Variants in OTOGL observed in about 807,000 individuals in gnomAD.
OTOGL encodes otogelin like, also known as otogelin-like protein.
A neutral mutation model predicts 318.5 loss-of-function variants in OTOGL; 285 were observed. The observed-to-expected ratio is 0.89, with a 90% confidence interval of 0.81 to 0.99. The LOEUF is 0.99. Ranked by LOEUF, OTOGL falls within the 50% of genes least tolerant of loss-of-function variation. The pLI is 0.00. For synonymous variants in OTOGL, 987 were observed against 936.5 expected (o/e 1.05, Z -0.99); for missense variants, 2,899 against 2,845.6 (o/e 1.02, Z -0.43).
chr12:80,108,825 G>GTA (rs1480145594), intron 1 of OTOGL, among the ~76,000 whole-genome samples: 1 of 122,384 alleles, frequency 8.2e-6, no homozygotes, highest in East Asian at 2.2e-4. Context: ...GTATATATAT[G>GTA]TATATATATT....
chr12:80,310,606 A>AAC lies in OTOGL; in HGVS notation c.3334-3_3334-2dup. The AAC allele has an allele frequency of 6.4e-7, 1 of 1,561,800 alleles. No individual in the cohort carries two copies. Among genetic ancestry groups the AAC allele is most frequent in the Non-Finnish European group, 8.7e-7 (1 of 1,150,344 alleles). On this transcript the variant is annotated splice_polypyrimidine_tract_variant and splice_region_variant and intron_variant, in intron 29 of 58. Transcript: ENST00000547103. ...CTTCTTTTCTCTCTTAAATTTTTTC[A>AAC]ACAGTGTGAAAGTCCAGATGAAACA... is the stretch of plus-strand genomic sequence containing the variant.
chr12:80,209,243 T>C (rs1447211152), intron 1 of OTOGL, among the ~76,000 whole-genome samples, 170 bp from the exon 2 acceptor site: 3 of 152,040 alleles, frequency 2.0e-5, no homozygotes, highest in Non-Finnish European at 4.4e-5. Context: ...AGCCAAAGGG[T>C]TGTCTGCAAG....
chr12:80,308,651 G>C (rs1323488459), intron 29 of OTOGL, among the ~76,000 whole-genome samples: 10 of 151,876 alleles, frequency 6.6e-5, no homozygotes, highest in Admixed American at 4.6e-4. Context: ...GCCGAGATCA[G>C]GCCACTGCAC....
intron 21 of OTOGL, 34 bp from the exon 22 acceptor site, chr12:80,267,219 T>C: frequency 7.2e-7 from 1 of 1,389,708 alleles, no homozygotes; most frequent in South Asian, 1.3e-5. Context: ...TGAAAAAAAT[T>C]GTATCCTATT....
chr12:80,369,015 G>GA (rs914891353), intron 55 of OTOGL, among the ~76,000 whole-genome samples: 1 of 149,206 alleles, frequency 6.7e-6, no homozygotes, highest in South Asian at 2.1e-4. Flanking sequence ...TGTCAAGGAG[G>GA]AAAAAAATAT....
chr12:80,349,394 A>G (rs1458488384), intron 44 of OTOGL, among the ~76,000 whole-genome samples: 1 of 152,164 alleles, frequency 6.6e-6, no homozygotes, highest in Non-Finnish European at 1.5e-5. Context: ...GAAGGTTTAA[A>G]TGCCCCAGAT....
intron 44 of OTOGL, among the ~76,000 whole-genome samples, chr12:80,345,794 C>T (rs1889162533): frequency 6.6e-6 from 1 of 151,962 alleles, no homozygotes; most frequent in Non-Finnish European, 1.5e-5. Flanking sequence ...TACTCAAAGC[C>T]TCTAGATGTG....
At chr12:80,322,353 G>A (rs1177340073) in intron 34 of OTOGL, among the ~76,000 whole-genome samples, 1 of 152,102 alleles carries the variant, frequency 6.6e-6, no homozygotes, top group East Asian at 1.9e-4. Context: ...AGCCCCATTT[G>A]AGGCTTAGAG....
At chr12:80,270,349 T>A (rs1883316260) in intron 23 of OTOGL, among the ~76,000 whole-genome samples, 195 bp downstream of exon 23, 2 of 152,120 alleles carry the variant, frequency 1.3e-5, no homozygotes, top group Non-Finnish European at 2.9e-5. Context: ...ACAGTCTGGG[T>A]TGAACATATA....
At chr12:80,284,363 G>C (rs567305867) in intron 26 of OTOGL, among the ~76,000 whole-genome samples, 1 of 152,098 alleles carries the variant, frequency 6.6e-6, no homozygotes, top group African/African-American at 2.4e-5. Context: ...GTTTATAGTA[G>C]AATAATTTAT....
intron 52 of OTOGL, chr12:80,361,008 TAAC>T (rs1890209212): frequency 6.6e-6 from 1 of 152,106 alleles, no homozygotes. Flanking sequence ...TCTATTATCT[TAAC>T]AATTTTTAAA....
At chr12:80,253,284 G>A (rs1881735122) in intron 13 of OTOGL, among the ~76,000 whole-genome samples, 182 bp from the exon 14 acceptor site, 1 of 152,144 alleles carries the variant, frequency 6.6e-6, no homozygotes, top group South Asian at 2.1e-4. Context: ...TACTGAAATA[G>A]ATCCTTTAAG....
At chr12:80,209,547 G>T in intron 2 of OTOGL, 37 bp downstream of exon 2, 2 of 1,339,904 alleles carry the variant, frequency 1.5e-6, no homozygotes, top group Non-Finnish European at 2.0e-6. Context: ...TTAATTTATT[G>T]TATTTTTGTT....
At chr12:80,333,158 C>A (rs1888185969) in intron 38 of OTOGL, 80 bp downstream of exon 38, 1 of 1,296,304 alleles carries the variant, frequency 7.7e-7, no homozygotes, top group Non-Finnish European at 1.1e-6. Flanking sequence ...TATCCAAATG[C>A]TACTAAACTT....
At chr12:80,151,985 T>C (rs1872812450) in intron 1 of OTOGL, among the ~76,000 whole-genome samples, 1 of 152,182 alleles carries the variant, frequency 6.6e-6, no homozygotes, top group African/African-American at 2.4e-5. Context: ...GACAAGGAAA[T>C]TAAGGTCAGA....
chr12:80,106,260 CTTCA>C (rs1417154715), intron 1 of OTOGL, among the ~76,000 whole-genome samples: 1 of 152,102 alleles, frequency 6.6e-6, no homozygotes, highest in Non-Finnish European at 1.5e-5. Flanking sequence ...TTTTTCCTGC[CTTCA>C]TTTGGGAGAG....
intron 20 of OTOGL, 52 bp from the exon 21 acceptor site, chr12:80,266,399 T>G: frequency 6.3e-7 from 1 of 1,578,310 alleles, no homozygotes; most frequent in South Asian, 1.1e-5. Context: ...AGGCATAAAA[T>G]GTTTCTATGT....
At chr12:80,256,494 C>CAACAAACA in intron 17 of OTOGL, 34 bp downstream of exon 17, 1 of 1,011,022 alleles carries the variant, frequency 9.9e-7, no homozygotes, top group Non-Finnish European at 1.3e-6. Flanking sequence ...ACTTTCTTTA[C>CAACAAACA]ATCAAACAAA....
chr12:80,326,373 G>A (rs556900552), intron 35 of OTOGL, among the ~76,000 whole-genome samples: 1 of 151,922 alleles, frequency 6.6e-6, no homozygotes, highest in Non-Finnish European at 1.5e-5. Flanking sequence ...TGCATCTGAG[G>A]CATTAAACTT....
Sources: allele counts gnomAD v4.1 joint callset (sites outside exome capture counted in the v4.1 genomes callset), GRCh38; gene constraint gnomAD v4.1.1; transcripts MANE v1.5; gene names NCBI Gene and HGNC (gene_info 2026-07-23, HGNC 2026-07-21).